Variants in TM7SF3 observed in about 807,000 individuals in gnomAD.
The protein encoded by TM7SF3 is seven span transmembrane protein.
In TM7SF3, 60 loss-of-function variants were observed where a neutral mutation model predicts 65.5. The ratio of observed to expected loss-of-function variants is 0.92; its 90% CI spans 0.74 to 1.14. TM7SF3 has a LOEUF of 1.14. Ranked by LOEUF, TM7SF3 falls within the 50% of genes most tolerant of loss-of-function variation. The pLI is 0.00. For missense variants in TM7SF3, 623 were observed against 684.8 expected (o/e 0.91, Z 1.01); for synonymous variants, 264 against 259.6 (o/e 1.02, Z -0.16).
intron 9 of TM7SF3, 101 bp downstream of exon 9, chr12:26,979,683 G>T: frequency 7.5e-7 from 1 of 1,335,780 alleles, no homozygotes; most frequent in South Asian, 1.4e-5. Context: ...AACTCCACAG[G>T]AGAAGCACTG....
intron 9 of TM7SF3, 170 bp downstream of exon 9, chr12:26,979,614 G>A (rs1018240917): frequency 4.6e-6 from 3 of 655,250 alleles, no homozygotes; most frequent in Admixed American, 2.9e-5. Context: ...GAGGAAGGAG[G>A]GACTTTTACT....
rs1412643470 is a variant in TM7SF3 at position 26,973,166 on chromosome 12, A to T, written c.*799T>A. 1.7e-5 allele frequency: 2 copies of T among 120,190 alleles called. No homozygotes were observed. Among genetic ancestry groups the T allele is most frequent in the Non-Finnish European group, 3.4e-5 (2 of 58,852 alleles). The allele number at this position is 120,190 out of a possible 1,614,324, so 7.4% of individuals were successfully genotyped here. ...CTAAGTAATCAGACTGCTTTTAGTAAGAAAATAAGTTTTTTTTTTTTTTAA... is the reference window on the plus strand; with the variant it reads ...CTAAGTAATCAGACTGCTTTTAGTATGAAAATAAGTTTTTTTTTTTTTTAA... On this transcript the variant is annotated 3_prime_UTR_variant, in exon 12 of 12. Coordinates refer to ENST00000343028, the MANE Select transcript of TM7SF3 (RefSeq NM_016551.3).
At chr12:27,004,551 C>T (rs1394792338) in intron 1 of TM7SF3, among the ~76,000 whole-genome samples, 1 of 151,708 alleles carries the variant, frequency 6.6e-6, no homozygotes, top group Non-Finnish European at 1.5e-5. Context: ...ATACCATGTC[C>T]CAAAAAGGTC....
intron 5 of TM7SF3, among the ~76,000 whole-genome samples, chr12:26,992,427 C>T (rs902035497): frequency 5.3e-5 from 8 of 151,978 alleles, no homozygotes; most frequent in South Asian, 2.1e-4. Context: ...TACAGGCGCC[C>T]GCCACCACCA....
intron 2 of TM7SF3, among the ~76,000 whole-genome samples, chr12:27,001,499 C>T (rs1940829790): frequency 6.6e-6 from 1 of 152,108 alleles, no homozygotes; most frequent in Admixed American, 6.5e-5. Context: ...TTTTGAAGGG[C>T]CCCATGAAAT....
intron 6 of TM7SF3, among the ~76,000 whole-genome samples, chr12:26,990,193 C>T (rs1355446145): frequency 6.6e-6 from 1 of 152,178 alleles, no homozygotes; most frequent in Non-Finnish European, 1.5e-5. Context: ...CTTTATTTAT[C>T]TTCTTAGCAC....
At chr12:27,013,349 C>A (rs1941321841) in intron 1 of TM7SF3, among the ~76,000 whole-genome samples, 1 of 152,142 alleles carries the variant, frequency 6.6e-6, no homozygotes, top group African/African-American at 2.4e-5. Context: ...TTAGAAATTT[C>A]TTGCCCTCAA....
At chr12:27,009,661 A>C (rs1470986867) in intron 1 of TM7SF3, among the ~76,000 whole-genome samples, 1 of 152,162 alleles carries the variant, frequency 6.6e-6, no homozygotes, top group Non-Finnish European at 1.5e-5. Context: ...AGTCTTCCAA[A>C]GTGCTGGGAT....
rs117684659 is a variant in TM7SF3 at position 27,012,299 on chromosome 12, C to A, written c.91+1779G>T. 4.6e-5 allele frequency among the ~76,000 whole-genome samples: 7 copies of A among 152,086 alleles called. No homozygotes were observed. The East Asian group carries it at 1.4e-3, about 29-fold the overall frequency. On this transcript the variant is annotated intron_variant, in intron 1 of 11. Transcript: ENST00000343028. ...GTGGTGGGGATTAAATAACACTGCA[C>A]GTGGAAAGCACCTGGCACACACTAT...
chr12:27,013,198 T>G (rs1192232863), intron 1 of TM7SF3, among the ~76,000 whole-genome samples: 1 of 152,216 alleles, frequency 6.6e-6, no homozygotes, highest in Non-Finnish European at 1.5e-5. Context: ...GACAAGTTAT[T>G]TCCTGTTGGT....
At chr12:26,977,946 G>A (rs2087736) in intron 9 of TM7SF3, 258,686 of 274,300 alleles carry the variant, frequency 0.94, 122,138 homozygotes, top group East Asian at 1. Flanking sequence ...AAAAATAAAA[G>A]CTTACCAGGC....
intron 9 of TM7SF3, chr12:26,979,474 C>T: frequency 7.2e-6 from 2 of 276,888 alleles, no homozygotes; most frequent in Non-Finnish European, 1.4e-5. Flanking sequence ...CCCGACTCAG[C>T]TGCCATCAGA....
intron 2 of TM7SF3, among the ~76,000 whole-genome samples, chr12:27,001,532 T>C (rs771042001): frequency 6.6e-6 from 1 of 152,210 alleles, no homozygotes; most frequent in African/African-American, 2.4e-5. Flanking sequence ...TTTGAGTCCA[T>C]AGACTTGAGC....
chr12:26,985,931 T>A (rs1300996711), intron 6 of TM7SF3, among the ~76,000 whole-genome samples: 2 of 143,182 alleles, frequency 1.4e-5, no homozygotes, highest in Non-Finnish European at 1.5e-5. Flanking sequence ...CTCCTGCCTC[T>A]GCCTCAGCCT....
intron 5 of TM7SF3, 77 bp from the exon 6 acceptor site, chr12:26,990,704 A>G (rs1481409069): frequency 1.0e-5 from 11 of 1,059,104 alleles, no homozygotes; most frequent in Non-Finnish European, 1.5e-5. Flanking sequence ...ACCTACGTGT[A>G]ATATTAAATG....
At chr12:26,980,303 A>T in intron 8 of TM7SF3, 1 of 532,656 alleles carries the variant, frequency 1.9e-6, no homozygotes, top group Admixed American at 3.6e-5. Flanking sequence ...TATCTTCAAC[A>T]TATCACATAG....
rs1022768936 is a variant in TM7SF3 at position 27,014,184 on chromosome 12, G to C, written c.-16C>G. On this transcript the variant is annotated 5_prime_UTR_variant, in exon 1 of 12. Coordinates refer to ENST00000343028, the MANE Select transcript of TM7SF3 (RefSeq NM_016551.3). ...GGAACCCCATTGCTGCCTGGGCCGG[G>C]CTGGGCCCACGCCAGGGCTGGGGAG... 6 of 1,552,470 alleles carry C rather than the reference G, an allele frequency of 3.9e-6. No individual in the cohort carries two copies. The highest frequency in any genetic ancestry group is 2.0e-5 in the Admixed American group (1 of 51,102).
At chr12:26,994,473 A>G (rs989716868) in intron 5 of TM7SF3, among the ~76,000 whole-genome samples, 6 of 152,164 alleles carry the variant, frequency 3.9e-5, no homozygotes, top group Admixed American at 3.3e-4. Flanking sequence ...CAGCCTCCCA[A>G]GTAGCTGGTA....
chr12:27,012,366 T>C (rs1304045159), intron 1 of TM7SF3, among the ~76,000 whole-genome samples: 1 of 151,838 alleles, frequency 6.6e-6, no homozygotes, highest in Non-Finnish European at 1.5e-5. Context: ...AAGGTTTTTC[T>C]GCAAAAAAAA....
Sources: gnomAD v4.1 joint callset for allele counts (sites outside exome capture counted in the v4.1 genomes callset) on GRCh38, gnomAD v4.1.1 for gene constraint, MANE v1.5 for transcripts, NCBI Gene and HGNC (gene_info 2026-07-23, HGNC 2026-07-21) for gene names.